The following VPS50 variants were observed in gnomAD, a reference collection of about 807,000 sequenced individuals.
The protein encoded by VPS50 is syndetin.
In VPS50, 70 loss-of-function variants were observed where a neutral mutation model predicts 139.7. That is an observed-to-expected ratio of 0.50 (90% CI 0.41 to 0.61). The LOEUF is 0.61. VPS50 is among the 20% of genes least tolerant of loss of function. VPS50 has a pLI of 0.00. For missense variants in VPS50, 921 were observed against 1,133.7 expected, an observed-to-expected ratio of 0.81 and a Z score of 2.69; for synonymous variants, 365 against 376.7, an observed-to-expected ratio of 0.97 and a Z score of 0.36.
intron 11 of VPS50, among the ~76,000 whole-genome samples, chr7:93,275,667 T>C (rs1290188385): frequency 6.6e-6 from 1 of 152,206 alleles, no homozygotes; most frequent in African/African-American, 2.4e-5. Flanking sequence ...TTGTGAGGTA[T>C]GCCTGTAAAT....
rs1301299348 is a variant in VPS50 at position 93,271,220 on chromosome 7, T to G, written c.660T>G (p.Ser220Arg). ...AAACTGTTTTTTTTTTTTTTAATAG[T>G]GAACTGAATTCAAAGCTGCAAGATA... ...ASTFKHYSCI[S>R]ELNSKLQDTL... The change falls in exon 10 of 28, where the codon AGT (serine) becomes AGG (arginine). Residue 220 changes from serine to arginine, a missense_variant and splice_region_variant. Coordinates refer to ENST00000305866, the MANE Select transcript of VPS50 (RefSeq NM_017667.4). 5 of 1,563,970 alleles carry G rather than the reference T, an allele frequency of 3.2e-6. No homozygotes were observed. Among genetic ancestry groups the G allele is most frequent in the Non-Finnish European group, 4.3e-6 (5 of 1,161,390 alleles).
chr7:93,297,372 T>A lies in VPS50; in HGVS notation c.1361+129T>A, dbSNP rs942420501. The A allele has an allele frequency of 2.5e-4, 248 of 1,006,698 alleles. No homozygotes were observed. In the Middle Eastern group the frequency reaches 3.5e-3, roughly 14 times the overall value. 62.4% of individuals were successfully genotyped at this position (1,006,698 alleles called of 1,614,324 possible). A position where few individuals can be genotyped will look rare whatever the true frequency, so the allele number is the denominator to read the frequency against. On this transcript the variant is annotated intron_variant, in intron 16 of 27. Coordinates refer to ENST00000305866, the MANE Select transcript of VPS50 (RefSeq NM_017667.4). The stretch of plus-strand genomic sequence containing the variant: ...GAATTTGAATGTGTTGTAGCTTTTT[T>A]AAGATGGTTAAGGATTTTTTTAACC...
chr7:93,324,074 G>A (rs990976441), intron 21 of VPS50, among the ~76,000 whole-genome samples: 2 of 152,066 alleles, frequency 1.3e-5, no homozygotes, highest in African/African-American at 4.8e-5. Context: ...TTTAAATGCT[G>A]GCTAACAACC....
At chr7:93,305,117 A>G (rs1481455757) in intron 17 of VPS50, among the ~76,000 whole-genome samples, 1 of 151,908 alleles carries the variant, frequency 6.6e-6, no homozygotes, top group Non-Finnish European at 1.5e-5. Context: ...GATTTTTGTA[A>G]TTCAAAGGAA....
chr7:93,323,704 T>C lies in VPS50; in HGVS notation c.1949T>C (p.Ile650Thr). The change falls in exon 21 of 28, where the codon ATA (isoleucine) becomes ACA (threonine). Residue 650 changes from isoleucine to threonine, a missense_variant. Ile to Thr is a moderately conservative substitution (Grantham distance 89). This residue lies in a region of VPS50 where 744 missense variants were observed against 930.6 expected (regional missense o/e 0.80). Coordinates refer to ENST00000305866, the MANE Select transcript of VPS50 (RefSeq NM_017667.4). Reference protein sequence around the residue: ...SQLFDYYLYAIYTFFGRNDSL... With the variant: ...SQLFDYYLYATYTFFGRNDSL... ...CTATTTGATTATTACTTGTATGCAA[T>C]ATATACCTTTTTTGGTCGGAATGAT... 1 of 1,431,544 alleles carries C rather than the reference T, an allele frequency of 7.0e-7. No homozygotes were observed. The highest frequency in any genetic ancestry group is 9.4e-7 in the Non-Finnish European group (1 of 1,066,564). 88.7% of individuals were successfully genotyped at this position (1,431,544 alleles called of 1,614,324 possible).
intron 1 of VPS50, among the ~76,000 whole-genome samples, chr7:93,237,256 T>C (rs1310276054): frequency 1.3e-5 from 2 of 152,032 alleles, no homozygotes; most frequent in African/African-American, 4.8e-5. Flanking sequence ...ACGCCCGGCC[T>C]GTTTTACTTC....
chr7:93,327,725 C>A (rs1404828156), intron 21 of VPS50, among the ~76,000 whole-genome samples: 2 of 152,030 alleles, frequency 1.3e-5, no homozygotes, highest in Non-Finnish European at 2.9e-5. Flanking sequence ...AGAGAATAAG[C>A]TTTTCAGGCC....
At chr7:93,355,844 T>C in intron 26 of VPS50, 47 bp from the exon 27 acceptor site, 1 of 1,229,024 alleles carries the variant, frequency 8.1e-7, no homozygotes, top group South Asian at 1.6e-5. Context: ...AGTTTTTTGT[T>C]TCTAATTATC....
At chr7:93,304,836 C>G (rs959855483) in intron 17 of VPS50, among the ~76,000 whole-genome samples, 1 of 151,638 alleles carries the variant, frequency 6.6e-6, no homozygotes, top group Non-Finnish European at 1.5e-5. Context: ...AAAAATTAGT[C>G]TCATTGATGT....
chr7:93,271,293 G>T, intron 10 of VPS50, 31 bp downstream of exon 10: 2 of 1,501,578 alleles, frequency 1.3e-6, no homozygotes, highest in East Asian at 2.6e-5. Context: ...ACCTTAATGA[G>T]TTTTTCTTTT....
intron 14 of VPS50, among the ~76,000 whole-genome samples, chr7:93,294,932 A>C (rs1796764473): frequency 6.6e-6 from 1 of 151,804 alleles, no homozygotes; most frequent in Non-Finnish European, 1.5e-5. Flanking sequence ...ATGCTTTCTC[A>C]GTGAGATGTT....
In VPS50 at chr7:93,355,009, AT is replaced by A. The variant is rs552190916; in HGVS notation, c.2586-880del. Among the ~76,000 whole-genome samples the A allele has an allele frequency of 3.3e-3, 510 of 152,280 alleles. 4 individuals carry two copies. Among genetic ancestry groups the A allele is most frequent in the African/African-American group, 0.012 (496 of 41,562 alleles). ...TGTATTGAAACCAGCAGTGCTATAA[AT>A]TATAAAAAGGCTGTGTCAGCAATCA... is the stretch of plus-strand genomic sequence containing the variant. On this transcript the variant is annotated intron_variant, in intron 26 of 27. Transcript: ENST00000305866.
At chr7:93,341,372 TG>T in intron 22 of VPS50, 54 bp from the exon 23 acceptor site, 1 of 1,202,292 alleles carries the variant, frequency 8.3e-7, no homozygotes, top group South Asian at 1.5e-5. Context: ...CAAAATCACG[TG>T]GTTTATTACT....
rs148410823 is a variant in VPS50 at position 93,347,972 on chromosome 7, T to C, written c.2208-739T>C. On this transcript the variant is annotated intron_variant, in intron 23 of 27. Coordinates refer to ENST00000305866, the MANE Select transcript of VPS50 (RefSeq NM_017667.4). ...GCACATGTACCCTAAAAAAGTATTATAATAATAATAATTAAAAAAAAGAAA... is the reference window on the plus strand; with the variant it reads ...GCACATGTACCCTAAAAAAGTATTACAATAATAATAATTAAAAAAAAGAAA... Among the ~76,000 whole-genome samples, 243 of 151,284 alleles carry C rather than the reference T, an allele frequency of 1.6e-3. 1 individual carries two copies. The highest frequency in any genetic ancestry group is 5.6e-3 in the African/African-American group (233 of 41,240).
chr7:93,345,805 T>G (rs1375149290), intron 23 of VPS50, among the ~76,000 whole-genome samples: 5 of 152,140 alleles, frequency 3.3e-5, no homozygotes, highest in Admixed American at 6.5e-5. Context: ...TCTCAATAAA[T>G]TAGGTATTGA....
chr7:93,289,362 G>T (rs1228733460), intron 12 of VPS50, among the ~76,000 whole-genome samples: 1 of 151,884 alleles, frequency 6.6e-6, no homozygotes, highest in African/African-American at 2.4e-5. Flanking sequence ...TTTTTGATAG[G>T]AGTTTTAGTC....
At chr7:93,301,593 A>G (rs1240830120) in intron 16 of VPS50, among the ~76,000 whole-genome samples, 1 of 152,130 alleles carries the variant, frequency 6.6e-6, no homozygotes, top group African/African-American at 2.4e-5. Flanking sequence ...ACCTGTCTGG[A>G]AGAGACAGGA....
At chr7:93,297,281 G>A in intron 16 of VPS50, 38 bp downstream of exon 16, 1 of 1,478,904 alleles carries the variant, frequency 6.8e-7, no homozygotes, top group South Asian at 1.5e-5. Flanking sequence ...ACTTATTTAG[G>A]TAATGAGAAT....
chr7:93,327,375 T>C (rs543383870), intron 21 of VPS50, among the ~76,000 whole-genome samples: 1 of 139,746 alleles, frequency 7.2e-6, no homozygotes, highest in African/African-American at 2.8e-5. Flanking sequence ...TGTGTTAAAA[T>C]AAATAAGATC....
Sources: allele counts gnomAD v4.1 joint callset (sites outside exome capture counted in the v4.1 genomes callset), GRCh38; gene constraint gnomAD v4.1.1; regional missense constraint gnomAD v4.1.1; transcripts MANE v1.5; gene names NCBI Gene and HGNC (gene_info 2026-07-23, HGNC 2026-07-21).